Variants in MAPK4 observed in about 807,000 individuals in gnomAD.
MAPK4 encodes mitogen-activated protein kinase 4, also known as Erk3-related.
Under a neutral mutation model 47.7 loss-of-function variants are expected in MAPK4, and 22 were observed. The observed-to-expected ratio is 0.46, with a 90% CI of 0.33 to 0.66. The LOEUF (loss-of-function observed/expected upper bound fraction) is 0.66, where lower values mean the gene tolerates loss of function less well. Ranked by LOEUF, MAPK4 falls within the 30% of genes least tolerant of loss-of-function variation. The pLI is 0.02. For synonymous variants in MAPK4, 390 were observed against 365.7 expected (o/e 1.07, Z -0.76); for missense variants, 736 against 831.7 (o/e 0.88, Z 1.42).
At chr18:50,722,992 C>T (rs561825762) in intron 4 of MAPK4, among the ~76,000 whole-genome samples, 155 of 152,152 alleles carry the variant, frequency 1.0e-3, no homozygotes, top group Admixed American at 2.0e-3. Flanking sequence ...TAAAAACATC[C>T]GGGGAGGGTG....
chr18:50,682,104 G>A, intron 2 of MAPK4, among the ~76,000 whole-genome samples: 1 of 152,110 alleles, frequency 6.6e-6, no homozygotes, highest in Middle Eastern at 3.2e-3. Context: ...TAATGAGTAT[G>A]GAGTTTTTTG....
At chr18:50,579,939 A>G (rs2042329080) in intron 1 of MAPK4, among the ~76,000 whole-genome samples, 1 of 152,140 alleles carries the variant, frequency 6.6e-6, no homozygotes, top group Non-Finnish European at 1.5e-5. Context: ...ACAGTGATGG[A>G]TTTTACTTGT....
intron 2 of MAPK4, among the ~76,000 whole-genome samples, chr18:50,670,804 G>A (rs1191710861): frequency 6.6e-6 from 1 of 151,038 alleles, no homozygotes. Flanking sequence ...CTCAAAGTGA[G>A]GCCCCACACC....
chr18:50,606,626 C>T (rs1357802648), intron 1 of MAPK4, among the ~76,000 whole-genome samples: 1 of 152,130 alleles, frequency 6.6e-6, no homozygotes, highest in East Asian at 1.9e-4. Context: ...CCTACCTAAA[C>T]CAAGGCTGGG....
Position 50,729,913 on chromosome 18 carries a change from T to C in MAPK4, c.*59T>C. 6.8e-7 allele frequency: 1 copy of C among 1,470,060 alleles called. No homozygotes were observed. The highest frequency in any genetic ancestry group is 9.1e-7 in the Non-Finnish European group (1 of 1,102,312). 91.1% of individuals were successfully genotyped at this position (1,470,060 alleles called of 1,614,324 possible). ...GGAGACCCCCAGAGAAAGCCGGGGC[T>C]GGCAGGAGGCGGCCGCCCTTCCCGC... On this transcript the variant is annotated 3_prime_UTR_variant, in exon 6 of 6. Coordinates refer to ENST00000400384, the MANE Select transcript of MAPK4 (RefSeq NM_002747.4).
intron 3 of MAPK4, among the ~76,000 whole-genome samples, chr18:50,718,481 G>A (rs1333688188): frequency 6.6e-6 from 1 of 152,082 alleles, no homozygotes; most frequent in Non-Finnish European, 1.5e-5. Flanking sequence ...GCCTCCCAAA[G>A]TGCTGGGATT....
chr18:50,597,317 T>A (rs1438287807), intron 1 of MAPK4, among the ~76,000 whole-genome samples: 3 of 152,166 alleles, frequency 2.0e-5, no homozygotes, highest in Non-Finnish European at 4.4e-5. Context: ...GATCCAGAGA[T>A]ATTACCAACT....
chr18:50,711,671 A>G (rs1910372775), intron 2 of MAPK4, among the ~76,000 whole-genome samples: 1 of 152,228 alleles, frequency 6.6e-6, no homozygotes, highest in Non-Finnish European at 1.5e-5. Flanking sequence ...TCACAGAGAC[A>G]TGTTCCTCTC....
At chr18:50,589,709 A>G (rs1268114822) in intron 1 of MAPK4, among the ~76,000 whole-genome samples, 2 of 152,236 alleles carry the variant, frequency 1.3e-5, no homozygotes, top group Non-Finnish European at 1.5e-5. Context: ...CACTTCACCA[A>G]TTGGCTGTGG....
At chr18:50,574,137 C>T (rs1485818982) in intron 1 of MAPK4, among the ~76,000 whole-genome samples, 1 of 152,170 alleles carries the variant, frequency 6.6e-6, no homozygotes, top group African/African-American at 2.4e-5. Context: ...TGTGCCATTG[C>T]ATCTATTTCA....
chr18:50,599,677 C>T (rs1428799352), intron 1 of MAPK4, among the ~76,000 whole-genome samples: 3 of 152,160 alleles, frequency 2.0e-5, no homozygotes, highest in African/African-American at 7.2e-5. Context: ...CCTCAGCTTC[C>T]CAAAGTGCTG....
intron 2 of MAPK4, among the ~76,000 whole-genome samples, chr18:50,688,740 G>T (rs909080860): frequency 1.4e-4 from 22 of 152,246 alleles, no homozygotes; most frequent in African/African-American, 4.6e-4. Flanking sequence ...TCTGGGGAAA[G>T]GGTGGGAGGG....
chr18:50,649,685 C>T (rs1454272845), intron 1 of MAPK4, among the ~76,000 whole-genome samples: 1 of 152,204 alleles, frequency 6.6e-6, no homozygotes, highest in Non-Finnish European at 1.5e-5. Context: ...AAGGCAATAT[C>T]TATCAAGTAC....
intron 1 of MAPK4, among the ~76,000 whole-genome samples, chr18:50,646,677 C>G (rs2042992311): frequency 6.6e-6 from 1 of 152,230 alleles, no homozygotes; most frequent in Non-Finnish European, 1.5e-5. Context: ...CTTGCTCAAG[C>G]TTTCTCAGAG....
chr18:50,569,063 C>T (rs1178651658), intron 1 of MAPK4, among the ~76,000 whole-genome samples: 1 of 152,074 alleles, frequency 6.6e-6, no homozygotes, highest in African/African-American at 2.4e-5. Context: ...TTTGTCCTGT[C>T]TTTTGTTTGT....
intron 1 of MAPK4, among the ~76,000 whole-genome samples, chr18:50,638,308 A>G (rs1000836750): frequency 6.6e-6 from 1 of 152,220 alleles, no homozygotes; most frequent in Non-Finnish European, 1.5e-5. Flanking sequence ...AAATATTATG[A>G]TAAATCACAA....
intron 1 of MAPK4, among the ~76,000 whole-genome samples, chr18:50,646,751 T>G (rs879756571): frequency 6.6e-6 from 1 of 152,220 alleles, no homozygotes; most frequent in Non-Finnish European, 1.5e-5. Context: ...TTTCTACCTG[T>G]GGCCTCCCAT....
At chr18:50,667,292 G>C (rs1419971682) in intron 2 of MAPK4, among the ~76,000 whole-genome samples, 1 of 152,144 alleles carries the variant, frequency 6.6e-6, no homozygotes, top group Non-Finnish European at 1.5e-5. Flanking sequence ...TCTGATCACT[G>C]TACCTAAGAC....
At chr18:50,679,873 G>C (rs73439713) in intron 2 of MAPK4, among the ~76,000 whole-genome samples, 4 of 152,012 alleles carry the variant, frequency 2.6e-5, no homozygotes, top group African/African-American at 9.6e-5. Context: ...GTCCCTCCTG[G>C]TGGCCTCTCC....
Sources: allele counts gnomAD v4.1 joint callset (sites outside exome capture counted in the v4.1 genomes callset), GRCh38; gene constraint gnomAD v4.1.1; transcripts MANE v1.5; gene names NCBI Gene and HGNC (gene_info 2026-07-23, HGNC 2026-07-21).